The following SNTG1 variants were observed in gnomAD, a reference collection of about 807,000 sequenced individuals.
The protein encoded by SNTG1 is syntrophin gamma 1.
A neutral mutation model predicts 74.7 loss-of-function variants in SNTG1; 39 were observed. The ratio of observed to expected loss-of-function variants is 0.52; its 90% CI spans 0.40 to 0.68. The LOEUF is 0.68. Ranked by LOEUF, SNTG1 falls within the 30% of genes least tolerant of loss-of-function variation. The probability of loss-of-function intolerance (pLI) is 0.00; values close to 1 mark genes in which losing one functional copy is unlikely to be tolerated. For synonymous variants in SNTG1, 254 were observed against 217.1 expected (o/e 1.17, Z -1.49); for missense variants, 685 against 609.5 (o/e 1.12, Z -1.30).
chr8:50,379,337 A>T (rs1256218465), intron 2 of SNTG1, among the ~76,000 whole-genome samples: 1 of 152,116 alleles, frequency 6.6e-6, no homozygotes, highest in Admixed American at 6.5e-5. Flanking sequence ...GGGGGCCTTC[A>T]TGGGCCCCCA....
chr8:50,168,559 G>T (rs762851408), intron 1 of SNTG1, among the ~76,000 whole-genome samples: 1 of 151,982 alleles, frequency 6.6e-6, no homozygotes, highest in Non-Finnish European at 1.5e-5. Flanking sequence ...ACATGTATAT[G>T]CATGTGTATA....
intron 8 of SNTG1, among the ~76,000 whole-genome samples, chr8:50,502,173 TAAC>T (rs2093965466): frequency 6.6e-6 from 1 of 152,170 alleles, no homozygotes; most frequent in Non-Finnish European, 1.5e-5. Flanking sequence ...CTATTGATAA[TAAC>T]AGGTTTGCAG....
At chr8:49,926,472 CAT>C (rs1413034579) in intron 1 of SNTG1, among the ~76,000 whole-genome samples, 3 of 151,980 alleles carry the variant, frequency 2.0e-5, no homozygotes, top group Non-Finnish European at 4.4e-5. Context: ...TTTAATTAAA[CAT>C]AAATTAATTA....
At chr8:50,780,203 T>A (rs1463518346) in intron 18 of SNTG1, among the ~76,000 whole-genome samples, 2 of 152,230 alleles carry the variant, frequency 1.3e-5, no homozygotes, top group Admixed American at 6.5e-5. Context: ...GGTATCAGGA[T>A]GATGCTGGCC....
At chr8:50,482,095 T>C (rs896218979) in intron 8 of SNTG1, among the ~76,000 whole-genome samples, 2 of 152,244 alleles carry the variant, frequency 1.3e-5, no homozygotes, top group African/African-American at 4.8e-5. Flanking sequence ...CTAATCAATC[T>C]GTCAAGATGT....
intron 8 of SNTG1, among the ~76,000 whole-genome samples, chr8:50,489,258 T>C (rs551646985): frequency 6.6e-6 from 1 of 152,336 alleles, no homozygotes; most frequent in East Asian, 1.9e-4. Flanking sequence ...GTCTTTATAA[T>C]AGAATGATTT....
intron 13 of SNTG1, among the ~76,000 whole-genome samples, chr8:50,613,476 T>C (rs564167159): frequency 1.2e-3 from 189 of 152,288 alleles, no homozygotes; most frequent in African/African-American, 4.4e-3. Context: ...TTAATTATGA[T>C]CAGGTGAAGT....
chr8:50,345,425 C>T (rs148677865), intron 2 of SNTG1, among the ~76,000 whole-genome samples: 66 of 152,296 alleles, frequency 4.3e-4, no homozygotes, highest in African/African-American at 1.4e-3. Flanking sequence ...CTTCTAGAAC[C>T]CTACTCTGCC....
At chr8:50,268,540 A>C (rs2087599255) in intron 2 of SNTG1, among the ~76,000 whole-genome samples, 1 of 152,184 alleles carries the variant, frequency 6.6e-6, no homozygotes, top group Admixed American at 6.5e-5. Context: ...ACCTTTAATA[A>C]ATAGCTACAG....
At chr8:50,376,425 G>T (rs2092382409) in intron 2 of SNTG1, among the ~76,000 whole-genome samples, 2 of 151,204 alleles carry the variant, frequency 1.3e-5, no homozygotes, top group African/African-American at 2.4e-5. Context: ...ATAATTTTGT[G>T]AAAAAAAATA....
intron 2 of SNTG1, among the ~76,000 whole-genome samples, chr8:50,268,408 G>A (rs2087591000): frequency 6.6e-6 from 1 of 152,116 alleles, no homozygotes; most frequent in South Asian, 2.1e-4. Flanking sequence ...ACATAAGAAA[G>A]ACATATTTTT....
At position 50,442,857 on chromosome 8, in the gene SNTG1, G is replaced by A. The variant is rs188467236; in HGVS notation, c.219+4258G>A. ...CAGGCAGAAACTGCTCCTTTGAAGC[G>A]GGCAGATTCAGCAGGCTAGTGGCAT... On this transcript the variant is annotated intron_variant, in intron 5 of 18. Transcript: ENST00000642720. Among the ~76,000 whole-genome samples, 513 of 152,154 alleles carry A rather than the reference G, an allele frequency of 3.4e-3. 3 individuals are homozygous for A. Among genetic ancestry groups the A allele is most frequent in the African/African-American group, 0.012 (482 of 41,514 alleles).
intron 1 of SNTG1, among the ~76,000 whole-genome samples, chr8:49,961,720 G>A (rs13266609): frequency 0.11 from 16,623 of 152,150 alleles, 1,097 homozygotes; most frequent in South Asian, 0.22. Context: ...AAGCATCTGC[G>A]GAGGCAGCTA....
chr8:50,700,442 AG>A (rs2095419514), intron 15 of SNTG1, among the ~76,000 whole-genome samples: 1 of 152,184 alleles, frequency 6.6e-6, no homozygotes, highest in African/African-American at 2.4e-5. Flanking sequence ...TTTCTGATAA[AG>A]GAACCCCTGC....
At chr8:50,236,509 G>A (rs1269207915) in intron 2 of SNTG1, among the ~76,000 whole-genome samples, 1 of 146,250 alleles carries the variant, frequency 6.8e-6, no homozygotes, top group Non-Finnish European at 1.5e-5. Context: ...GGAGTGCAGT[G>A]GCGCTATCCC....
intron 15 of SNTG1, among the ~76,000 whole-genome samples, chr8:50,700,612 A>G (rs2095420154): frequency 6.6e-6 from 1 of 152,090 alleles, no homozygotes; most frequent in Non-Finnish European, 1.5e-5. Context: ...TCAGGCTTGC[A>G]CCAGGTTGCT....
At chr8:49,980,843 G>C (rs1331015358) in intron 1 of SNTG1, among the ~76,000 whole-genome samples, 2 of 152,076 alleles carry the variant, frequency 1.3e-5, no homozygotes, top group African/African-American at 4.8e-5. Context: ...TTTATTAGGG[G>C]TTCATTCACA....
intron 5 of SNTG1, among the ~76,000 whole-genome samples, chr8:50,446,356 G>A (rs2093407599): frequency 7.1e-6 from 1 of 141,268 alleles, no homozygotes; most frequent in Non-Finnish European, 1.5e-5. Flanking sequence ...GTACATCAGA[G>A]CTCCAAATGT....
chr8:50,395,993 A>G (rs1483754421), intron 3 of SNTG1, among the ~76,000 whole-genome samples: 4 of 152,218 alleles, frequency 2.6e-5, no homozygotes, highest in African/African-American at 9.6e-5. Context: ...GTCAAATACT[A>G]TTTAACAAAT....
Sources: gnomAD v4.1 joint callset for allele counts (sites outside exome capture counted in the v4.1 genomes callset) on GRCh38, gnomAD v4.1.1 for gene constraint, MANE v1.5 for transcripts, NCBI Gene and HGNC (gene_info 2026-07-23, HGNC 2026-07-21) for gene names.